The following BMPR1B variants were observed in gnomAD, a reference collection of about 807,000 sequenced individuals.
The protein encoded by BMPR1B is bone morphogenetic protein receptor type 1B.
A neutral mutation model predicts 59.1 loss-of-function variants in BMPR1B; 12 were observed. That is an observed-to-expected ratio of 0.20 (90% CI 0.13 to 0.33). BMPR1B has a LOEUF of 0.33. BMPR1B is among the 10% of genes least tolerant of loss of function. The pLI, the probability that BMPR1B is intolerant of heterozygous loss-of-function variation, is 1.00. For missense variants in BMPR1B, 550 were observed against 610.9 expected (o/e 0.90, Z 1.05); for synonymous variants, 237 against 207.3 (o/e 1.14, Z -1.23).
In BMPR1B at chr4:94,783,882, C is replaced by T. The variant is rs576765842; in HGVS notation, c.-183+25814C>T. Among the ~76,000 whole-genome samples the T allele has an allele frequency of 2.0e-5, 3 of 152,230 alleles. No homozygotes were observed. In the East Asian group the frequency reaches 5.8e-4, roughly 30 times the overall value. Reference sequence around the variant, plus strand: ...GGGATGAGAAGTGCTGGTGGCCCCTCCCTCCTGGTGAGAGAGTTTATCCTT... The same window carrying T: ...GGGATGAGAAGTGCTGGTGGCCCCTTCCTCCTGGTGAGAGAGTTTATCCTT... On this transcript the variant is annotated intron_variant, in intron 1 of 12. Coordinates refer to ENST00000515059, the MANE Select transcript of BMPR1B (RefSeq NM_001203.3).
At chr4:95,018,459 G>A (rs181329211) in intron 3 of BMPR1B, among the ~76,000 whole-genome samples, 1 of 152,232 alleles carries the variant, frequency 6.6e-6, no homozygotes, top group African/African-American at 2.4e-5. Context: ...GTGCTATTTA[G>A]TAGCTAGGGG....
chr4:94,945,331 C>T (rs1473236825), intron 2 of BMPR1B, among the ~76,000 whole-genome samples: 3 of 152,110 alleles, frequency 2.0e-5, no homozygotes, highest in Non-Finnish European at 4.4e-5. Flanking sequence ...AATAAAAATG[C>T]TTATTCTTTC....
intron 3 of BMPR1B, among the ~76,000 whole-genome samples, chr4:95,007,286 A>T (rs1722913605): frequency 6.6e-6 from 1 of 152,180 alleles, no homozygotes; most frequent in African/African-American, 2.4e-5. Flanking sequence ...CTATGATGGC[A>T]TGAATTTTTA....
chr4:94,844,731 T>C (rs184144879), intron 1 of BMPR1B, among the ~76,000 whole-genome samples: 1 of 152,312 alleles, frequency 6.6e-6, no homozygotes, highest in Non-Finnish European at 1.5e-5. Flanking sequence ...ATAGGCAGTT[T>C]AGTTTCACCA....
At chr4:94,912,509 C>T (rs1436760677) in intron 2 of BMPR1B, among the ~76,000 whole-genome samples, 1 of 152,096 alleles carries the variant, frequency 6.6e-6, no homozygotes, top group Non-Finnish European at 1.5e-5. Context: ...GGAGGTCCAT[C>T]TGCTTTTTAC....
intron 3 of BMPR1B, among the ~76,000 whole-genome samples, chr4:95,053,281 T>TTGTGTGTGTGTGTGTGTGTGTGTGTGTG (rs60404669): frequency 1.8e-4 from 24 of 134,324 alleles, no homozygotes; most frequent in Admixed American, 3.1e-4. Flanking sequence ...TGCAGGGCAC[T>TTGTGTGTGTGTGTGTGTGTGTGTGTGTG]TGTGTGTGTG....
Position 95,137,523 on chromosome 4 carries a change from A to G in BMPR1B, c.1076+6011A>G, listed in dbSNP as rs1391980119. 2.0e-5 allele frequency among the ~76,000 whole-genome samples: 3 copies of G among 152,064 alleles called. No individual in the cohort carries two copies. In the South Asian group the frequency reaches 6.2e-4, roughly 32 times the overall value. On this transcript the variant is annotated intron_variant, in intron 10 of 12. Coordinates refer to ENST00000515059, the MANE Select transcript of BMPR1B (RefSeq NM_001203.3). ...TGACAGTGGGGTGTTAAAGTCTCCC[A>G]TTATTATTGTGTGGGAGTCTAAGTC... is the stretch of plus-strand genomic sequence containing the variant.
At chr4:94,998,549 T>G (rs1722224395) in intron 3 of BMPR1B, among the ~76,000 whole-genome samples, 1 of 152,040 alleles carries the variant, frequency 6.6e-6, no homozygotes, top group African/African-American at 2.4e-5. Context: ...AATTTTGTAT[T>G]TTTAGTAAAT....
At chr4:94,825,644 C>A (rs948378502) in intron 1 of BMPR1B, among the ~76,000 whole-genome samples, 1 of 152,062 alleles carries the variant, frequency 6.6e-6, no homozygotes, top group Non-Finnish European at 1.5e-5. Context: ...CCTAAACCAC[C>A]ATTGACAAAA....
intron 1 of BMPR1B, among the ~76,000 whole-genome samples, chr4:94,804,590 CTTTTTTTT>C: frequency 8.2e-6 from 1 of 121,568 alleles, no homozygotes; most frequent in East Asian, 2.4e-4. Flanking sequence ...CTTTGTAATA[CTTTTTTTT>C]TTTTTTTTTT....
At chr4:94,794,891 G>A (rs1357555982) in intron 1 of BMPR1B, among the ~76,000 whole-genome samples, 7 of 145,716 alleles carry the variant, frequency 4.8e-5, no homozygotes, top group Non-Finnish European at 1.1e-4. Flanking sequence ...CTTTGCTGAA[G>A]TTGCTTATCA....
intron 2 of BMPR1B, among the ~76,000 whole-genome samples, chr4:94,933,227 G>C (rs1161627006): frequency 6.6e-6 from 1 of 151,892 alleles, no homozygotes; most frequent in Admixed American, 6.6e-5. Context: ...GGGATTTTAT[G>C]TCCTATTAAC....
In BMPR1B at chr4:94,936,559, G is replaced by A. The variant is rs140098801; in HGVS notation, c.-112-59481G>A. Among the ~76,000 whole-genome samples the A allele has an allele frequency of 2.6e-5, 4 of 152,234 alleles. No homozygotes were observed. The East Asian group carries it at 5.8e-4, about 22-fold the overall frequency. On this transcript the variant is annotated intron_variant, in intron 2 of 12. Transcript: ENST00000515059. Reference sequence around the variant, plus strand: ...ATGGAATTTATTTATTTTTGAACACGTAGTGTTTGAAAGACATTGGGAGAT... The same window carrying A: ...ATGGAATTTATTTATTTTTGAACACATAGTGTTTGAAAGACATTGGGAGAT...
intron 1 of BMPR1B, among the ~76,000 whole-genome samples, chr4:94,829,462 G>T (rs1724496505): frequency 6.6e-6 from 1 of 151,226 alleles, no homozygotes; most frequent in Non-Finnish European, 1.5e-5. Flanking sequence ...ACAGGGTTTT[G>T]CTACATTGCC....
intron 3 of BMPR1B, among the ~76,000 whole-genome samples, chr4:95,016,889 A>C (rs1406533539): frequency 6.6e-6 from 1 of 152,186 alleles, no homozygotes; most frequent in African/African-American, 2.4e-5. Flanking sequence ...GGGTAGTGCA[A>C]CTTCAGTGTA....
intron 2 of BMPR1B, among the ~76,000 whole-genome samples, chr4:94,877,158 A>C (rs1197552008): frequency 2.0e-5 from 3 of 152,162 alleles, no homozygotes; most frequent in African/African-American, 7.2e-5. Flanking sequence ...ACATTGATTC[A>C]AGTATCAGAA....
chr4:95,143,452 T>G (rs1056875938), intron 10 of BMPR1B, among the ~76,000 whole-genome samples: 2 of 152,086 alleles, frequency 1.3e-5, no homozygotes, highest in Admixed American at 1.3e-4. Flanking sequence ...TTCTTGTCTC[T>G]CTCTCTCTCA....
chr4:95,045,872 T>G (rs1010267543), intron 3 of BMPR1B, among the ~76,000 whole-genome samples: 4 of 152,178 alleles, frequency 2.6e-5, no homozygotes, highest in Non-Finnish European at 4.4e-5. Flanking sequence ...TAGTGAATGT[T>G]TTTTAGATAA....
chr4:94,974,672 T>C (rs978014487), intron 2 of BMPR1B, among the ~76,000 whole-genome samples: 7 of 152,228 alleles, frequency 4.6e-5, no homozygotes, highest in Non-Finnish European at 8.8e-5. Context: ...TTCTTTTTTT[T>C]CGCTAATTAG....
Sources: gnomAD v4.1 joint callset for allele counts (sites outside exome capture counted in the v4.1 genomes callset) on GRCh38, gnomAD v4.1.1 for gene constraint, MANE v1.5 for transcripts, NCBI Gene and HGNC (gene_info 2026-07-23, HGNC 2026-07-21) for gene names.